The following FAM171A1 variants were observed in gnomAD, a reference collection of about 807,000 sequenced individuals.
FAM171A1 encodes family with sequence similarity 171 member A1.
FAM171A1 carries 23 observed loss-of-function variants against 74.9 expected under a neutral mutation model. That is an observed-to-expected ratio of 0.31 (90% CI 0.22 to 0.44). The LOEUF (loss-of-function observed/expected upper bound fraction) is 0.44, where lower values mean the gene tolerates loss of function less well. Among genes scored for constraint, FAM171A1 ranks in the 20% least tolerant of loss-of-function variants. The probability of loss-of-function intolerance (pLI) is 1.00; values close to 1 mark genes in which losing one functional copy is unlikely to be tolerated. For synonymous variants in FAM171A1, 527 were observed against 505.7 expected (o/e 1.04, Z -0.57); for missense variants, 1,162 against 1,159.2 (o/e 1.00, Z -0.03).
At chr10:15,219,583 C>CT (rs922228541) in intron 6 of FAM171A1, among the ~76,000 whole-genome samples, 1 of 151,946 alleles carries the variant, frequency 6.6e-6, no homozygotes, top group African/African-American at 2.4e-5. Context: ...ACACATTAAT[C>CT]TTTTTTTTCT....
At chr10:15,311,378 T>C (rs1835357634) in intron 1 of FAM171A1, among the ~76,000 whole-genome samples, 1 of 152,224 alleles carries the variant, frequency 6.6e-6, no homozygotes, top group Non-Finnish European at 1.5e-5. Flanking sequence ...ATTAAGCCTA[T>C]ATTCCCTTTT....
At chr10:15,300,814 G>A (rs767578458) in intron 1 of FAM171A1, among the ~76,000 whole-genome samples, 4 of 152,090 alleles carry the variant, frequency 2.6e-5, no homozygotes, top group African/African-American at 7.2e-5. Context: ...AGGGTACAGT[G>A]CTTCCCACAC....
intron 1 of FAM171A1, among the ~76,000 whole-genome samples, chr10:15,319,561 T>C (rs982103640): frequency 3.9e-5 from 6 of 152,166 alleles, no homozygotes; most frequent in Non-Finnish European, 7.3e-5. Context: ...ACCTCCTGAG[T>C]AGCTAGAATT....
At chr10:15,296,914 A>T (rs569829466) in intron 1 of FAM171A1, among the ~76,000 whole-genome samples, 1 of 152,194 alleles carries the variant, frequency 6.6e-6, no homozygotes, top group Admixed American at 6.5e-5. Flanking sequence ...CTTATGTTAA[A>T]CCTCGTGAAA....
At chr10:15,301,219 C>A (rs756339927) in intron 1 of FAM171A1, among the ~76,000 whole-genome samples, 2 of 152,136 alleles carry the variant, frequency 1.3e-5, no homozygotes, top group African/African-American at 2.4e-5. Context: ...ATCGCCCAGG[C>A]TGGAGGGCAG....
At chr10:15,342,839 C>G (rs1369141959) in intron 1 of FAM171A1, among the ~76,000 whole-genome samples, 1 of 152,236 alleles carries the variant, frequency 6.6e-6, no homozygotes, top group East Asian at 1.9e-4. Flanking sequence ...ACAACGCAGT[C>G]AGTGCCTACA....
chr10:15,331,701 CACAGGCCAATT>C (rs1215340043), intron 1 of FAM171A1, among the ~76,000 whole-genome samples: 1 of 151,552 alleles, frequency 6.6e-6, no homozygotes, highest in East Asian at 1.9e-4. Flanking sequence ...AAAAGACAAA[CACAGGCCAATT>C]ACAGGACTGA....
At chr10:15,288,844 C>CA (rs1390075239) in intron 1 of FAM171A1, among the ~76,000 whole-genome samples, 1 of 54,540 alleles carries the variant, frequency 1.8e-5, no homozygotes, top group Middle Eastern at 0.021. Context: ...TTTTTTGAGA[C>CA]AGAGTCTCAT....
chr10:15,318,306 C>T (rs147209925), intron 1 of FAM171A1, among the ~76,000 whole-genome samples: 39 of 152,302 alleles, frequency 2.6e-4, no homozygotes, highest in African/African-American at 8.7e-4. Context: ...ATTCGGGAAT[C>T]CTCCCAGGTG....
chr10:15,281,299 C>T (rs1834967644), intron 2 of FAM171A1, among the ~76,000 whole-genome samples: 1 of 152,196 alleles, frequency 6.6e-6, no homozygotes, highest in African/African-American at 2.4e-5. Flanking sequence ...CCAGTCTCAG[C>T]TATTTCTTTA....
intron 1 of FAM171A1, among the ~76,000 whole-genome samples, chr10:15,326,757 A>G (rs769176691): frequency 2.6e-5 from 4 of 152,116 alleles, no homozygotes; most frequent in African/African-American, 7.2e-5. Context: ...CCTCCCAGGT[A>G]GCTGGGATTA....
At chr10:15,337,520 G>A (rs528816478) in intron 1 of FAM171A1, among the ~76,000 whole-genome samples, 6 of 150,412 alleles carry the variant, frequency 4.0e-5, no homozygotes, top group South Asian at 4.2e-4. Flanking sequence ...GCCGGGTGCC[G>A]TGACTCACGC....
intron 1 of FAM171A1, among the ~76,000 whole-genome samples, chr10:15,288,915 C>T (rs373772848): frequency 5.6e-4 from 83 of 147,356 alleles, no homozygotes; most frequent in African/African-American, 1.8e-3. Context: ...CTCCACTTCC[C>T]GGGTTCAAGC....
intron 2 of FAM171A1, among the ~76,000 whole-genome samples, chr10:15,281,356 G>A (rs74123126): frequency 0.061 from 9,280 of 152,154 alleles, 522 homozygotes; most frequent in African/African-American, 0.15. Context: ...AAGGCAAAGC[G>A]CAGAAAAATA....
intron 1 of FAM171A1, among the ~76,000 whole-genome samples, chr10:15,344,085 T>C (rs532806124): frequency 6.1e-4 from 93 of 152,312 alleles, no homozygotes; most frequent in African/African-American, 1.9e-3. Context: ...TTGTGACAAT[T>C]AGTGTCAGAC....
intron 1 of FAM171A1, among the ~76,000 whole-genome samples, chr10:15,350,247 C>T (rs1426615776): frequency 6.6e-6 from 1 of 152,128 alleles, no homozygotes; most frequent in African/African-American, 2.4e-5. Context: ...GTCTTTACTC[C>T]CTTGTCCCAT....
intron 3 of FAM171A1, among the ~76,000 whole-genome samples, chr10:15,270,599 C>T (rs185408044): frequency 2.6e-5 from 4 of 152,296 alleles, no homozygotes; most frequent in East Asian, 1.9e-4. Context: ...CCCTGACCCC[C>T]GAGTAGCCTA....
At chr10:15,326,041 C>G (rs139057120) in intron 1 of FAM171A1, among the ~76,000 whole-genome samples, 1 of 152,296 alleles carries the variant, frequency 6.6e-6, no homozygotes, top group African/African-American at 2.4e-5. Flanking sequence ...AAATCCATCA[C>G]GAACTGTTCA....
chr10:15,274,058 T>G (rs1038291260), intron 3 of FAM171A1, among the ~76,000 whole-genome samples: 2 of 152,066 alleles, frequency 1.3e-5, no homozygotes, highest in African/African-American at 4.8e-5. Context: ...GAGAAAGAAA[T>G]AAAGGGTATT....
Sources: allele counts gnomAD v4.1 joint callset (sites outside exome capture counted in the v4.1 genomes callset), GRCh38; gene constraint gnomAD v4.1.1; transcripts MANE v1.5; gene names NCBI Gene and HGNC (gene_info 2026-07-23, HGNC 2026-07-21).